The following ZNF423 variants were observed in gnomAD, a reference collection of about 807,000 sequenced individuals.
ZNF423 encodes Ebf-associated zinc finger protein.
A neutral mutation model predicts 95.8 loss-of-function variants in ZNF423; 12 were observed. The observed-to-expected ratio is 0.13, with a 90% confidence interval of 0.08 to 0.20. The LOEUF is 0.20. Among genes scored for constraint, ZNF423 ranks in the 10% least tolerant of loss-of-function variants. ZNF423 has a pLI of 1.00. For synonymous variants in ZNF423, 749 were observed against 711.9 expected (o/e 1.05, Z -0.83); for missense variants, 1,316 against 1,737.1 (o/e 0.76, Z 4.31).
intron 5 of ZNF423, among the ~76,000 whole-genome samples, chr16:49,534,633 G>C (rs1043124992): frequency 6.6e-6 from 1 of 152,124 alleles, no homozygotes; most frequent in African/African-American, 2.4e-5. Context: ...ACCCGCTGTG[G>C]GGGCCATCAA....
chr16:49,688,940 G>GAGATACAAGATA, intron 3 of ZNF423, among the ~76,000 whole-genome samples: 1 of 152,194 alleles, frequency 6.6e-6, no homozygotes, highest in Non-Finnish European at 1.5e-5. Flanking sequence ...CCAGATACTA[G>GAGATACAAGATA]CAAGAGCCTA....
At chr16:49,818,269 C>T (rs2034887385) in intron 1 of ZNF423, among the ~76,000 whole-genome samples, 1 of 151,440 alleles carries the variant, frequency 6.6e-6, no homozygotes, top group Admixed American at 6.6e-5. Context: ...ACTCAGATGC[C>T]CGGGCGCCCA....
chr16:49,783,433 C>T (rs1252453537), intron 2 of ZNF423, among the ~76,000 whole-genome samples: 3 of 111,688 alleles, frequency 2.7e-5, no homozygotes, highest in African/African-American at 1.1e-4. Flanking sequence ...GGGTTAGTAG[C>T]AGGCTGGGAT....
chr16:49,494,404 A>C (rs1654215844), intron 7 of ZNF423, among the ~76,000 whole-genome samples: 2 of 152,132 alleles, frequency 1.3e-5, no homozygotes, highest in African/African-American at 4.8e-5. Context: ...ACCAGAATTC[A>C]CTCAGCACTA....
chr16:49,646,143 C>T (rs2151897547), intron 3 of ZNF423, among the ~76,000 whole-genome samples: 1 of 152,318 alleles, frequency 6.6e-6, no homozygotes, highest in Admixed American at 6.5e-5. Context: ...CACAAAGCAG[C>T]CCGGACAACC....
chr16:49,566,433 C>G (rs1970193012), intron 5 of ZNF423, among the ~76,000 whole-genome samples: 1 of 152,128 alleles, frequency 6.6e-6, no homozygotes, highest in South Asian at 2.1e-4. Flanking sequence ...CACCTGCAGC[C>G]CAGCCCCAGC....
intron 3 of ZNF423, among the ~76,000 whole-genome samples, chr16:49,706,039 T>C (rs2143049694): frequency 6.6e-6 from 1 of 151,308 alleles, no homozygotes; most frequent in South Asian, 2.1e-4. Context: ...CACTGCGGGG[T>C]GGTGTTTAAC....
intron 3 of ZNF423, among the ~76,000 whole-genome samples, chr16:49,665,086 G>A (rs2030470948): frequency 6.6e-6 from 1 of 152,144 alleles, no homozygotes; most frequent in African/African-American, 2.4e-5. Context: ...CAGGCCTGAA[G>A]TCCCCACACC....
At chr16:49,748,588 G>A (rs953238506) in intron 2 of ZNF423, among the ~76,000 whole-genome samples, 2 of 152,234 alleles carry the variant, frequency 1.3e-5, no homozygotes, top group Non-Finnish European at 2.9e-5. Context: ...GCCGACCAAA[G>A]TAGCTGGTTG....
At chr16:49,809,322 G>A (rs1022079880) in intron 1 of ZNF423, among the ~76,000 whole-genome samples, 2 of 152,220 alleles carry the variant, frequency 1.3e-5, no homozygotes, top group Non-Finnish European at 2.9e-5. Flanking sequence ...CCCGGCCCTG[G>A]GGGCCCTTGG....
intron 1 of ZNF423, among the ~76,000 whole-genome samples, chr16:49,844,618 G>A (rs140315497): frequency 2.9e-3 from 446 of 152,310 alleles, no homozygotes; most frequent in African/African-American, 0.01. Flanking sequence ...CATCACTTAT[G>A]AATCCATTTA....
At chr16:49,498,106 A>G (rs1479377715) in intron 7 of ZNF423, among the ~76,000 whole-genome samples, 1 of 152,192 alleles carries the variant, frequency 6.6e-6, no homozygotes, top group Non-Finnish European at 1.5e-5. Context: ...TGGGAATGGC[A>G]CCGATCATGA....
At chr16:49,858,779 A>G (rs1415398916), upstream of ZNF423, among the ~76,000 whole-genome samples, 1 of 148,478 alleles carries the variant, frequency 6.7e-6, no homozygotes, top group Non-Finnish European at 1.5e-5. This position sits in a 1 kb window ranked among gnomAD's most constrained non-coding sequence, Gnocchi z 4.3. Flanking sequence ...CGGGGGTGCC[A>G]AGGGCCGAGG....
intron 6 of ZNF423, among the ~76,000 whole-genome samples, chr16:49,525,148 G>A (rs776823244): frequency 3.7e-4 from 57 of 152,182 alleles, no homozygotes; most frequent in Admixed American, 9.8e-4. Flanking sequence ...GATGAGGAGA[G>A]GCCAGAGAGC....
rs1044179807 is a variant in ZNF423, at chr16:49,678,733, T to C, written c.302-39859A>G. ...GATGTTGGGTATGGCTGTCTTTCAC[T>C]TGAAATTTTCAAAGATCTCACAGAG... On this transcript the variant is annotated intron_variant, in intron 3 of 7. Coordinates refer to ENST00000563137, the MANE Select transcript of ZNF423 (RefSeq NM_001379286.1). Among the ~76,000 whole-genome samples, 3 of 152,316 alleles carry C rather than the reference T, an allele frequency of 2.0e-5. No homozygotes were observed. The East Asian group carries it at 5.8e-4, about 29-fold the overall frequency.
intron 4 of ZNF423, among the ~76,000 whole-genome samples, chr16:49,630,463 T>A (rs959228465): frequency 6.6e-6 from 1 of 152,028 alleles, no homozygotes; most frequent in East Asian, 1.9e-4. Context: ...AAGGGAAGCT[T>A]CATCACAAGG....
chr16:49,805,827 A>G (rs985984244), intron 1 of ZNF423, among the ~76,000 whole-genome samples: 2 of 152,272 alleles, frequency 1.3e-5, no homozygotes, highest in African/African-American at 2.4e-5. Flanking sequence ...GAAATAACAC[A>G]GGTAAAGATC....
chr16:49,593,331 A>G (rs994018526), intron 5 of ZNF423, among the ~76,000 whole-genome samples: 1 of 152,004 alleles, frequency 6.6e-6, no homozygotes. Context: ...GCTACTCAGG[A>G]GGCTGAGGTG....
intron 3 of ZNF423, among the ~76,000 whole-genome samples, chr16:49,663,847 G>A (rs1472552200): frequency 1.3e-5 from 2 of 152,130 alleles, no homozygotes; most frequent in African/African-American, 4.8e-5. Context: ...CCCCACCCAG[G>A]TCTGACACCC....
Sources: allele counts gnomAD v4.1 joint callset (sites outside exome capture counted in the v4.1 genomes callset), GRCh38; gene constraint gnomAD v4.1.1; non-coding constraint Gnocchi (gnomAD v3.1); transcripts MANE v1.5; gene names NCBI Gene and HGNC (gene_info 2026-07-23, HGNC 2026-07-21).